ATP1A4: variants seen among roughly 807,000 people sequenced by gnomAD.
ATP1A4 encodes sodium/potassium-transporting ATPase subunit alpha-4.
ATP1A4 carries 90 observed loss-of-function variants against 114.3 expected under a neutral mutation model. That is an observed-to-expected ratio of 0.79 (90% confidence interval 0.66 to 0.94). The LOEUF is 0.94. ATP1A4 is among the 40% of genes least tolerant of loss of function. The pLI is 0.00. For missense variants in ATP1A4, 1,222 were observed against 1,313.6 expected, an observed-to-expected ratio of 0.93 and a Z score of 1.08; for synonymous variants, 511 against 494.1, an observed-to-expected ratio of 1.03 and a Z score of -0.45.
At chr1:160,153,629 TATC>T (rs977033207) in intron 2 of ATP1A4, among the ~76,000 whole-genome samples, 23 of 152,320 alleles carry the variant, frequency 1.5e-4, no homozygotes, top group East Asian at 7.7e-4. Context: ...AAAATAAAGT[TATC>T]ATATATTCAT....
intron 12 of ATP1A4, among the ~76,000 whole-genome samples, chr1:160,172,860 C>T (rs1653312940): frequency 6.6e-6 from 1 of 152,154 alleles, no homozygotes; most frequent in African/African-American, 2.4e-5. Context: ...ATCATTCCTC[C>T]ATTCCTTCAT....
At chr1:160,186,475 C>T (rs1571042237) in intron 21 of ATP1A4, 108 bp downstream of exon 21, 13 of 1,094,382 alleles carry the variant, frequency 1.2e-5, no homozygotes, top group East Asian at 2.4e-5. Flanking sequence ...CTCCCCTCCT[C>T]GCTGCCAGCC....
chr1:160,164,185 G>A lies in ATP1A4; in HGVS notation c.808G>A (p.Gly270Arg), dbSNP rs745357964. 6.2e-7 allele frequency: 1 copy of A among 1,614,162 alleles called. No homozygotes were observed. ...CGCCCGGGGTATTGTGATTGCTACG[G>A]GAGACTCCACAGTGATGGGCAGAAT... is the stretch of plus-strand genomic sequence containing the variant. ...GTARGIVIATGDSTVMGRIAS... is the reference protein window; with the variant it reads ...GTARGIVIATRDSTVMGRIAS... Residue 270 changes from glycine (G) to arginine (R), a missense_variant, in exon 7 of 22, where the codon GGA (glycine) becomes AGA (arginine). Coordinates refer to ENST00000368081, the MANE Select transcript of ATP1A4 (RefSeq NM_144699.4).
intron 15 of ATP1A4, 50 bp downstream of exon 15, chr1:160,174,797 G>A (rs562194226): frequency 1.9e-6 from 3 of 1,609,598 alleles, no homozygotes; most frequent in Non-Finnish European, 2.5e-6. Flanking sequence ...GGACTCAGGT[G>A]GGGGTTGGTG....
intron 2 of ATP1A4, 135 bp downstream of exon 2, chr1:160,153,359 A>G (rs938391090): frequency 1.4e-6 from 1 of 709,086 alleles, no homozygotes; most frequent in Admixed American, 2.3e-5. Flanking sequence ...CTGCCTGGCC[A>G]CGTTCCATGG....
rs745780620 is a variant in ATP1A4, at chr1:160,151,946, C to T, written c.-95C>T. Reference sequence around the variant, plus strand: ...TCTCCCCACCACTCTCTTCTCGTGGCCCCCTTGCCCGCGCGCCCTCTTCCC... The same window carrying T: ...TCTCCCCACCACTCTCTTCTCGTGGTCCCCTTGCCCGCGCGCCCTCTTCCC... On this transcript the variant is annotated 5_prime_UTR_variant, in exon 1 of 22. Coordinates refer to ENST00000368081, the MANE Select transcript of ATP1A4 (RefSeq NM_144699.4). 69 of 1,423,958 alleles carry T rather than the reference C, an allele frequency of 4.8e-5. No homozygotes were observed. The highest frequency in any genetic ancestry group is 2.0e-4 in the Admixed American group (8 of 39,816). 88.2% of individuals were successfully genotyped at this position (1,423,958 alleles called of 1,614,324 possible).
chr1:160,182,051 C>A lies in ATP1A4; in HGVS notation c.2969+20C>A. On this transcript the variant is annotated intron_variant, in intron 20 of 21. Transcript: ENST00000368081. ...ACTCAAGTGAGTAAGGGAAGGGATG[C>A]AAGCAGGGGATGTGCAGGCACGGGG... The A allele has an allele frequency of 3.1e-6, 5 of 1,593,254 alleles. No homozygotes were observed. Among genetic ancestry groups the A allele is most frequent in the Non-Finnish European group, 4.3e-6 (5 of 1,161,046 alleles).
At chr1:160,167,880 C>T (rs554767300) in intron 10 of ATP1A4, among the ~76,000 whole-genome samples, 27 of 152,352 alleles carry the variant, frequency 1.8e-4, no homozygotes, top group Non-Finnish European at 2.6e-4. Flanking sequence ...TGACTGCCAG[C>T]GGGTAGGCGA....
rs112242101 is a variant in ATP1A4, at chr1:160,167,339, G to T, written c.1418G>T (p.Ser473Ile). The change falls in exon 10 of 22, where the codon AGC becomes ATC. Residue 473 changes from serine (S) to isoleucine (I), a missense_variant. Coordinates refer to ENST00000368081, the MANE Select transcript of ATP1A4 (RefSeq NM_144699.4). ...ALLKFIEQSY[S>I]SVAEMREKNP... ...CTCAAGTTCATCGAGCAGTCTTACAGCTCTGTGGCGGAGATGAGAGAGAAA... is the reference window on the plus strand; with the variant it reads ...CTCAAGTTCATCGAGCAGTCTTACATCTCTGTGGCGGAGATGAGAGAGAAA... 4 of 1,611,666 alleles carry T rather than the reference G, an allele frequency of 2.5e-6. 1 individual carries two copies. In the South Asian group the frequency reaches 4.4e-5, roughly 18 times the overall value.
At chr1:160,161,694 T>C (rs764150739) in intron 6 of ATP1A4, among the ~76,000 whole-genome samples, 2 of 152,170 alleles carry the variant, frequency 1.3e-5, no homozygotes, top group African/African-American at 2.4e-5. Context: ...CTTCATTCCA[T>C]AGGACCCAAT....
intron 4 of ATP1A4, among the ~76,000 whole-genome samples, chr1:160,158,349 C>G (rs999851433): frequency 6.6e-6 from 1 of 152,078 alleles, no homozygotes; most frequent in Admixed American, 6.6e-5. Flanking sequence ...TTCTCAGAAA[C>G]AGGAATGCAA....
chr1:160,181,875 T>C, intron 19 of ATP1A4, 55 bp from the exon 20 acceptor site: 1 of 1,613,706 alleles, frequency 6.2e-7, no homozygotes, highest in South Asian at 1.1e-5. Context: ...GACATGCCAT[T>C]TCCCCCTGCC....
chr1:160,159,432 G>C lies in ATP1A4; in HGVS notation c.684G>C (p.Gly228=). 1 of 1,613,458 alleles carries C rather than the reference G, an allele frequency of 6.2e-7. No individual in the cohort carries two copies. The highest frequency in any genetic ancestry group is 8.5e-7 in the Non-Finnish European group (1 of 1,179,764). ...GCKVDNSSLT[G]ESEPQSRSPD... ...AGGTGGACAACTCATCCTTGACTGG[G>C]GAGTCAGAACCCCAGAGCCGCTCCC... Residue 228 remains glycine, a synonymous_variant, in exon 6 of 22, where the codon GGG becomes GGC. Coordinates refer to ENST00000368081, the MANE Select transcript of ATP1A4 (RefSeq NM_144699.4).
Position 160,164,398 on chromosome 1 carries a change from C to A in ATP1A4, c.1021C>A (p.Pro341Thr). 6.2e-7 allele frequency: 1 copy of A among 1,614,106 alleles called. No individual in the cohort carries two copies. Among genetic ancestry groups the A allele is most frequent in the Non-Finnish European group, 8.5e-7 (1 of 1,179,994 alleles). ...CATTGGCATCATTGTGGCCAATGTG[C>A]CTGAGGGGCTGTTGGCCACAGTCAC... is the stretch of plus-strand genomic sequence containing the variant. ...FLIGIIVANV[P>T]EGLLATVTVC... Residue 341 changes from proline (P) to threonine (T), a missense_variant, in exon 7 of 22, where the codon CCT becomes ACT. Physicochemically the swap from Pro to Thr is conservative, Grantham distance 38 (BLOSUM62 -1). Transcript: ENST00000368081.
At position 160,181,999 on chromosome 1, in the gene ATP1A4, C is replaced by A. The variant is rs756356132; in HGVS notation, c.2937C>A (p.Gly979=). 2 of 1,614,082 alleles carry A rather than the reference C, an allele frequency of 1.2e-6. No homozygotes were observed. Among genetic ancestry groups the A allele is most frequent in the South Asian group, 2.2e-5 (2 of 91,078 alleles). Residue 979 remains glycine, a synonymous_variant, in exon 20 of 22, where the codon GGC becomes GGA. Transcript: ENST00000368081. ...LLAAFLSYTP[G]MDVALRMYPL... ...CTGCATTTCTGTCCTACACTCCAGGCATGGACGTGGCCCTGCGAATGTACC... is the reference window on the plus strand; with the variant it reads ...CTGCATTTCTGTCCTACACTCCAGGAATGGACGTGGCCCTGCGAATGTACC...
chr1:160,161,849 G>C (rs1484732738), intron 6 of ATP1A4, among the ~76,000 whole-genome samples: 1 of 152,156 alleles, frequency 6.6e-6, no homozygotes, highest in Non-Finnish European at 1.5e-5. Flanking sequence ...ACAGCTAAAG[G>C]CAACCTTAGA....
Position 160,176,561 on chromosome 1 carries a change from T to C in ATP1A4, c.2549T>C (p.Leu850Pro). 14 of 1,614,170 alleles carry C rather than the reference T, an allele frequency of 8.7e-6. No individual in the cohort carries two copies. The highest frequency in any genetic ancestry group is 1.2e-5 in the Non-Finnish European group (14 of 1,180,040). The change falls in exon 17 of 22, where the codon CTG (leucine) becomes CCG (proline). Residue 850 changes from leucine (L) to proline (P), a missense_variant. Coordinates refer to ENST00000368081, the MANE Select transcript of ATP1A4 (RefSeq NM_144699.4). ...CCAAGGAACCCAAAGACGGATAATC[T>C]GGTGAACCACCGTCTCATTGGCATG... Reference protein sequence around the residue: ...RLPRNPKTDNLVNHRLIGMAY... With the variant: ...RLPRNPKTDNPVNHRLIGMAY...
intron 10 of ATP1A4, among the ~76,000 whole-genome samples, chr1:160,168,384 T>TG (rs1170195625): frequency 6.8e-6 from 1 of 146,504 alleles, no homozygotes; most frequent in Non-Finnish European, 1.5e-5. Flanking sequence ...TATCTTTTTT[T>TG]TTTTTTTTTT....
chr1:160,174,810 C>T (rs1571029465), intron 15 of ATP1A4, 63 bp downstream of exon 15: 1 of 1,598,746 alleles, frequency 6.3e-7, no homozygotes, highest in South Asian at 1.1e-5. Context: ...GGTTGGTGTA[C>T]ATCCCCTCTT....
Sources: allele counts gnomAD v4.1 joint callset (sites outside exome capture counted in the v4.1 genomes callset), GRCh38; gene constraint gnomAD v4.1.1; transcripts MANE v1.5; gene names NCBI Gene and HGNC (gene_info 2026-07-23, HGNC 2026-07-21).